SFXN1: variants seen among roughly 807,000 people sequenced by gnomAD.
SFXN1 encodes the protein sideroflexin 1, also known as sideroflexin-1.
Under a neutral mutation model 39.5 loss-of-function variants are expected in SFXN1, and 32 were observed. The ratio of observed to expected loss-of-function variants is 0.81; its 90% CI spans 0.61 to 1.09. SFXN1 has a LOEUF of 1.09. SFXN1 is among the 50% of genes least tolerant of loss of function. The probability of loss-of-function intolerance (pLI) is 0.00; values close to 1 mark genes in which losing one functional copy is unlikely to be tolerated. For missense variants in SFXN1, 402 were observed against 407.1 expected (o/e 0.99, Z 0.11); for synonymous variants, 136 against 146.5 (o/e 0.93, Z 0.52).
At chr5:175,525,298 C>T (rs1761023450) in intron 10 of SFXN1, among the ~76,000 whole-genome samples, 1 of 152,158 alleles carries the variant, frequency 6.6e-6, no homozygotes, top group South Asian at 2.1e-4. Context: ...CTCAGTTGCA[C>T]CTCAGGTTTC....
chr5:175,513,771 G>A, intron 7 of SFXN1, 181 bp downstream of exon 7: 1 of 601,940 alleles, frequency 1.7e-6, no homozygotes, highest in Non-Finnish European at 2.8e-6. Flanking sequence ...GAGGGCAAGG[G>A]GGCAATGGGG....
At chr5:175,480,243 T>G (rs971632953) in intron 1 of SFXN1, among the ~76,000 whole-genome samples, 1 of 151,764 alleles carries the variant, frequency 6.6e-6, no homozygotes, top group Non-Finnish European at 1.5e-5. Flanking sequence ...CTACTAAAAA[T>G]ACAAAAAATT....
intron 1 of SFXN1, among the ~76,000 whole-genome samples, chr5:175,480,325 C>T (rs1426224518): frequency 3.9e-5 from 6 of 151,954 alleles, no homozygotes; most frequent in Non-Finnish European, 7.4e-5. Flanking sequence ...GGCCTGAACC[C>T]GGGAGGCGGA....
rs1760596983 is a variant in SFXN1 at position 175,513,398 on chromosome 5, A to G, written c.597-65A>G. On this transcript the variant is annotated intron_variant, in intron 6 of 10. Transcript: ENST00000321442. ...GTAGAGGGTTGATCTTTCCCAACAT[A>G]GTACTATTTCAGGACGTTTATTGAA... 3 of 1,559,260 alleles carry G rather than the reference A, an allele frequency of 1.9e-6. No individual in the cohort carries two copies. The South Asian group carries it at 3.5e-5, about 18-fold the overall frequency.
intron 2 of SFXN1, among the ~76,000 whole-genome samples, chr5:175,502,911 A>C (rs746116994): frequency 3.3e-5 from 5 of 152,178 alleles, no homozygotes; most frequent in Admixed American, 2.0e-4. Flanking sequence ...AGATTAACCA[A>C]CTCATATAAA....
Position 175,512,182 on chromosome 5 carries a change from A to G in SFXN1, c.582A>G (p.Pro194=), listed in dbSNP as rs1191870355. Residue 194 remains proline (P), a synonymous_variant, in exon 6 of 11, where the codon CCA becomes CCG. Transcript: ENST00000321442. The stretch of plus-strand genomic sequence containing the variant: ...CTGCTGCTAATTGCATTAATATTCC[A>G]TTAATGAGGCAAAGGTAAGACGAAT... ...AVAAANCINI[P]LMRQRELKVG... is the part of the protein sequence containing the mutation. The G allele has an allele frequency of 1.1e-5, 17 of 1,614,040 alleles. No individual in the cohort carries two copies. Among genetic ancestry groups the G allele is most frequent in the Non-Finnish European group, 1.4e-5 (17 of 1,180,020 alleles).
chr5:175,513,451 T>G lies in SFXN1; in HGVS notation c.597-12T>G. The G allele has an allele frequency of 6.2e-7, 1 of 1,613,328 alleles. No individual in the cohort carries two copies. ...CATTGGTGGAGCTCTCTGTATGTGT[T>G]TTGCTCTGCAGGGAACTCAAAGTTG... On this transcript the variant is annotated splice_polypyrimidine_tract_variant and intron_variant, in intron 6 of 10. Transcript: ENST00000321442.
intron 2 of SFXN1, among the ~76,000 whole-genome samples, chr5:175,505,652 G>A (rs1561665433): frequency 6.6e-6 from 1 of 151,902 alleles, no homozygotes. Context: ...TGGGACGGTT[G>A]CTCTACCCAA....
rs185241323 is a variant in SFXN1 at position 175,518,899 on chromosome 5, T to C, written c.774+2236T>C. The stretch of plus-strand genomic sequence containing the variant: ...TAAAAGAAAAATTGATCAATTGGAC[T>C]TCATCAGATTTTTAAAATTCTGTTC... On this transcript the variant is annotated intron_variant, in intron 8 of 10. Transcript: ENST00000321442. Among the ~76,000 whole-genome samples, 248 of 152,306 alleles carry C rather than the reference T, an allele frequency of 1.6e-3. 1 individual carries two copies. The highest frequency in any genetic ancestry group is 2.7e-3 in the Non-Finnish European group (183 of 68,032).
intron 2 of SFXN1, among the ~76,000 whole-genome samples, chr5:175,497,286 G>A (rs763929711): frequency 6.6e-6 from 1 of 152,152 alleles, no homozygotes; most frequent in Non-Finnish European, 1.5e-5. Context: ...AGATAAATCA[G>A]CCATGAGCCT....
chr5:175,515,276 G>A (rs1385229542), intron 7 of SFXN1, among the ~76,000 whole-genome samples: 1 of 151,874 alleles, frequency 6.6e-6, no homozygotes, highest in Non-Finnish European at 1.5e-5. Flanking sequence ...CCGAATGCTA[G>A]GTATACAGTT....
intron 10 of SFXN1, 108 bp downstream of exon 10, chr5:175,522,530 A>G (rs1760914667): frequency 9.0e-7 from 1 of 1,105,398 alleles, no homozygotes; most frequent in African/African-American, 1.6e-5. Flanking sequence ...TGAGACTCAA[A>G]AGATACTGAA....
At chr5:175,512,038 GAAGA>G (rs1336823892) in intron 5 of SFXN1, 69 bp from the exon 6 acceptor site, 7 of 1,384,990 alleles carry the variant, frequency 5.1e-6, no homozygotes, top group Middle Eastern at 3.6e-4. Flanking sequence ...GAGTTTTCAA[GAAGA>G]AATAAGTTAT....
intron 2 of SFXN1, among the ~76,000 whole-genome samples, chr5:175,494,638 G>A (rs1759787904): frequency 6.6e-6 from 1 of 151,900 alleles, no homozygotes; most frequent in Non-Finnish European, 1.5e-5. Context: ...TGTAATTCCA[G>A]CTACTTGTGT....
At chr5:175,512,611 A>G (rs1325693825) in intron 6 of SFXN1, among the ~76,000 whole-genome samples, 3 of 152,150 alleles carry the variant, frequency 2.0e-5, no homozygotes, top group African/African-American at 7.2e-5. Context: ...ACATTATTCT[A>G]TATCTTTGGA....
In SFXN1 at chr5:175,513,484, C is replaced by T. The variant is rs759250389; in HGVS notation, c.618C>T (p.Pro206=). 1.2e-5 allele frequency: 20 copies of T among 1,613,596 alleles called. No homozygotes were observed. Among genetic ancestry groups the T allele is most frequent in the Admixed American group, 5.0e-5 (3 of 59,972 alleles). ...GCAGGGAACTCAAAGTTGGCATTCC[C>T]GTCACGGATGAGAATGGGAACCGCT... The part of the protein sequence containing the change: ...MRQRELKVGI[P]VTDENGNRLG... The change falls in exon 7 of 11, where the codon CCC becomes CCT. Residue 206 remains proline, a synonymous_variant. Coordinates refer to ENST00000321442, the MANE Select transcript of SFXN1 (RefSeq NM_022754.7).
At chr5:175,498,031 T>G (rs935633167) in intron 2 of SFXN1, among the ~76,000 whole-genome samples, 5 of 149,704 alleles carry the variant, frequency 3.3e-5, no homozygotes, top group Admixed American at 1.3e-4. Flanking sequence ...AGAATTTTTA[T>G]GCTGTTTTAA....
At chr5:175,493,172 G>A (rs1338164941) in intron 2 of SFXN1, among the ~76,000 whole-genome samples, 1 of 152,026 alleles carries the variant, frequency 6.6e-6, no homozygotes, top group African/African-American at 2.4e-5. Context: ...AGAATGGCAT[G>A]AAGCCAGGAG....
rs769654319 is a variant in SFXN1, at chr5:175,526,754, C to T, written c.*20C>T. ...TTGTAAAGCAGGGAGGAAACCTCTGCAGCTCATTCTGCCACTGCAAAGCTG... is the reference window on the plus strand; with the variant it reads ...TTGTAAAGCAGGGAGGAAACCTCTGTAGCTCATTCTGCCACTGCAAAGCTG... On this transcript the variant is annotated 3_prime_UTR_variant, in exon 11 of 11. Transcript: ENST00000321442. 1 of 1,591,138 alleles carries T rather than the reference C, an allele frequency of 6.3e-7. No homozygotes were observed. Among genetic ancestry groups the T allele is most frequent in the South Asian group, 1.1e-5 (1 of 90,476 alleles).
Sources: allele counts gnomAD v4.1 joint callset (sites outside exome capture counted in the v4.1 genomes callset), GRCh38; gene constraint gnomAD v4.1.1; transcripts MANE v1.5; gene names NCBI Gene and HGNC (gene_info 2026-07-23, HGNC 2026-07-21).